The following IGSF21 variants were observed in gnomAD, a reference collection of about 807,000 sequenced individuals.
IGSF21 encodes the protein immunoglobulin superfamily member 21.
A neutral mutation model predicts 46.8 loss-of-function variants in IGSF21; 28 were observed. That is an observed-to-expected ratio of 0.60 (90% CI 0.44 to 0.82). IGSF21 has a LOEUF of 0.82. IGSF21 is among the 40% of genes least tolerant of loss of function. The pLI, the probability that IGSF21 is intolerant of heterozygous loss-of-function variation, is 0.00. For synonymous variants in IGSF21, 284 were observed against 273.6 expected (o/e 1.04, Z -0.38); for missense variants, 624 against 665.5 (o/e 0.94, Z 0.69).
chr1:18,347,098 C>T (rs952684177), intron 4 of IGSF21, among the ~76,000 whole-genome samples: 5 of 152,182 alleles, frequency 3.3e-5, no homozygotes, highest in Non-Finnish European at 5.9e-5. Context: ...AGAACGGTCA[C>T]TTCCCAGCAT....
intron 1 of IGSF21, chr1:18,112,099 A>C (rs2086149991): frequency 6.6e-6 from 1 of 152,250 alleles, no homozygotes; most frequent in South Asian, 2.1e-4. Context: ...GTGACTTCAA[A>C]GGCAGAGACC....
chr1:18,174,171 C>T (rs1020382188), intron 1 of IGSF21, among the ~76,000 whole-genome samples: 9 of 152,290 alleles, frequency 5.9e-5, no homozygotes, highest in Non-Finnish European at 1.0e-4. Context: ...GATGGCTGGG[C>T]CTGCTGAGCC....
At position 18,331,839 on chromosome 1, in the gene IGSF21, T is replaced by C. The variant is rs547448782; in HGVS notation, c.306-3053T>C. Among the ~76,000 whole-genome samples, 11 of 152,270 alleles carry C rather than the reference T, an allele frequency of 7.2e-5. No homozygotes were observed. The South Asian group carries it at 2.1e-3, about 29-fold the overall frequency. On this transcript the variant is annotated intron_variant, in intron 3 of 9. Transcript: ENST00000251296. ...TATTAGGAGTAGAACACCCAGGACTTGGTCGCTGTCTGTATTTGGAGGGTG... is the reference window on the plus strand; with the variant it reads ...TATTAGGAGTAGAACACCCAGGACTCGGTCGCTGTCTGTATTTGGAGGGTG...
intron 1 of IGSF21, among the ~76,000 whole-genome samples, chr1:18,153,457 C>G (rs2086539397): frequency 6.6e-6 from 1 of 152,186 alleles, no homozygotes; most frequent in Non-Finnish European, 1.5e-5. Flanking sequence ...GGCCCCAGGC[C>G]TAGGGCTGGA....
At chr1:18,357,070 A>G (rs2086026587) in intron 4 of IGSF21, among the ~76,000 whole-genome samples, 1 of 149,360 alleles carries the variant, frequency 6.7e-6, no homozygotes, top group Admixed American at 6.6e-5. Context: ...TGGGATGGAG[A>G]TAGAGATAGA....
intron 1 of IGSF21, among the ~76,000 whole-genome samples, chr1:18,189,436 G>A (rs1405831574): frequency 3.3e-5 from 5 of 152,140 alleles, no homozygotes; most frequent in East Asian, 1.9e-4. Context: ...CAGGGCAGGG[G>A]CGAAGGTTTC....
intron 1 of IGSF21, among the ~76,000 whole-genome samples, chr1:18,207,673 G>C (rs909483828): frequency 1.3e-5 from 2 of 152,226 alleles, no homozygotes; most frequent in Non-Finnish European, 2.9e-5. Context: ...TGAAACTAAT[G>C]ATGCAGAAAG....
At position 18,186,439 on chromosome 1, in the gene IGSF21, C is replaced by T. The variant is rs537916440; in HGVS notation, c.71-41459C>T. ...TCCTCATACCTCCTTCTTCACCCTC[C>T]GTGGCTAGTCAGTCACCAAGGCCTA... is the stretch of plus-strand genomic sequence containing the variant. On this transcript the variant is annotated intron_variant, in intron 1 of 9. Transcript: ENST00000251296. 1.4e-4 allele frequency among the ~76,000 whole-genome samples: 21 copies of T among 152,328 alleles called. No homozygotes were observed. The South Asian group carries it at 2.1e-3, about 15-fold the overall frequency.
At chr1:18,320,235 G>C (rs2085587280) in intron 3 of IGSF21, among the ~76,000 whole-genome samples, 1 of 152,186 alleles carries the variant, frequency 6.6e-6, no homozygotes. Context: ...TTTTGACAAA[G>C]GGGCTGATAG....
chr1:18,257,883 T>G (rs1299190168), intron 2 of IGSF21, among the ~76,000 whole-genome samples: 1 of 152,154 alleles, frequency 6.6e-6, no homozygotes, highest in Non-Finnish European at 1.5e-5. Flanking sequence ...TCATGAACCC[T>G]TCACCTGAAG....
chr1:18,146,248 G>A (rs2086466033), intron 1 of IGSF21, among the ~76,000 whole-genome samples: 1 of 152,166 alleles, frequency 6.6e-6, no homozygotes, highest in Admixed American at 6.5e-5. Context: ...CTATATTTGT[G>A]CCAGAACACC....
At chr1:18,357,372 T>C (rs950571838) in intron 4 of IGSF21, among the ~76,000 whole-genome samples, 14 of 134,256 alleles carry the variant, frequency 1.0e-4, no homozygotes, top group African/African-American at 4.0e-4. Context: ...TATGGATGAA[T>C]TGGGGAAAGG....
At chr1:18,138,715 A>G (rs2086388493) in intron 1 of IGSF21, among the ~76,000 whole-genome samples, 1 of 152,202 alleles carries the variant, frequency 6.6e-6, no homozygotes. Context: ...GTGCTCTCAC[A>G]GCAGACTTCT....
chr1:18,375,256 A>G (rs1385119479), intron 6 of IGSF21, among the ~76,000 whole-genome samples: 1 of 152,132 alleles, frequency 6.6e-6, no homozygotes, highest in African/African-American at 2.4e-5. Flanking sequence ...TCACCACCAT[A>G]TCCTCAGCTC....
intron 1 of IGSF21, among the ~76,000 whole-genome samples, chr1:18,135,956 G>T (rs2086364823): frequency 6.6e-6 from 1 of 152,140 alleles, no homozygotes; most frequent in Non-Finnish European, 1.5e-5. Flanking sequence ...TGGCCATTCT[G>T]ACTGGTGTGA....
intron 1 of IGSF21, among the ~76,000 whole-genome samples, chr1:18,137,194 A>G (rs895059114): frequency 6.6e-6 from 1 of 152,134 alleles, no homozygotes; most frequent in African/African-American, 2.4e-5. Context: ...GCAAGAGAGC[A>G]AGGTGGGGAG....
At position 18,285,123 on chromosome 1, in the gene IGSF21, T is replaced by C. The variant is rs182271129; in HGVS notation, c.184-6743T>C. On this transcript the variant is annotated intron_variant, in intron 2 of 9. Coordinates refer to ENST00000251296, the MANE Select transcript of IGSF21 (RefSeq NM_032880.5). ...TATTACAGCTATTTCCAACCTGTAA[T>C]TGGTTTTGTGGAAAACAAAGAGAAG... Among the ~76,000 whole-genome samples the C allele has an allele frequency of 2.9e-3, 448 of 152,164 alleles. 4 individuals are homozygous for C. Among genetic ancestry groups the C allele is most frequent in the African/African-American group, 0.01 (421 of 41,520 alleles).
intron 1 of IGSF21, among the ~76,000 whole-genome samples, chr1:18,225,730 A>G (rs1452663746): frequency 6.6e-6 from 1 of 152,118 alleles, no homozygotes; most frequent in East Asian, 1.9e-4. Context: ...TCAGGTCCTC[A>G]ACTCCTATCA....
At chr1:18,120,159 T>A (rs547148277) in intron 1 of IGSF21, among the ~76,000 whole-genome samples, 58 of 152,342 alleles carry the variant, frequency 3.8e-4, no homozygotes, top group African/African-American at 1.3e-3. Flanking sequence ...TGCATAGGAT[T>A]TCTGGAAAAC....
Sources: gnomAD v4.1 joint callset for allele counts (sites outside exome capture counted in the v4.1 genomes callset) on GRCh38, gnomAD v4.1.1 for gene constraint, MANE v1.5 for transcripts, NCBI Gene and HGNC (gene_info 2026-07-23, HGNC 2026-07-21) for gene names.